The following ESRRG variants were observed in gnomAD, a reference collection of about 807,000 sequenced individuals.
The protein encoded by ESRRG is estrogen-related receptor gamma.
In ESRRG, 13 loss-of-function variants were observed where a neutral mutation model predicts 44.0. The ratio of observed to expected loss-of-function variants is 0.30; its 90% confidence interval spans 0.19 to 0.47. The LOEUF (loss-of-function observed/expected upper bound fraction) is 0.47, where lower values mean the gene tolerates loss of function less well. Among genes scored for constraint, ESRRG ranks in the 20% least tolerant of loss-of-function variants. The pLI is 1.00. For synonymous variants in ESRRG, 215 were observed against 214.6 expected (o/e 1.00, Z -0.02); for missense variants, 395 against 580.6 (o/e 0.68, Z 3.29).
At chr1:216,891,719 G>A (rs886394479) in intron 2 of ESRRG, among the ~76,000 whole-genome samples, 1 of 151,772 alleles carries the variant, frequency 6.6e-6, no homozygotes, top group Non-Finnish European at 1.5e-5. Flanking sequence ...TTTTTAGGGG[G>A]CAGAGGAAAT....
intron 1 of ESRRG, among the ~76,000 whole-genome samples, chr1:216,996,433 CAGA>C (rs2076388411): frequency 6.6e-6 from 1 of 151,026 alleles, no homozygotes; most frequent in African/African-American, 2.4e-5. Context: ...ATAGATAAAT[CAGA>C]GGAGAAAAAA....
chr1:216,858,117 A>G (rs1308085317), intron 2 of ESRRG, among the ~76,000 whole-genome samples: 1 of 152,210 alleles, frequency 6.6e-6, no homozygotes, highest in Non-Finnish European at 1.5e-5. Flanking sequence ...CTCTTTGAAA[A>G]TTAAACCATA....
chr1:216,589,926 A>AAAAAAAAAG (rs2057366760), intron 3 of ESRRG, among the ~76,000 whole-genome samples: 1 of 149,988 alleles, frequency 6.7e-6, no homozygotes, highest in African/African-American at 2.4e-5. Flanking sequence ...AAAAAAAAAA[A>AAAAAAAAAG]GAGGTGAGGT....
At chr1:216,742,549 C>A (rs2090882799) in intron 2 of ESRRG, among the ~76,000 whole-genome samples, 1 of 151,796 alleles carries the variant, frequency 6.6e-6, no homozygotes, top group African/African-American at 2.4e-5. Flanking sequence ...TTTAATGATT[C>A]TTTATCCATT....
chr1:217,051,914 C>T (rs893514338), intron 1 of ESRRG, among the ~76,000 whole-genome samples: 1 of 152,068 alleles, frequency 6.6e-6, no homozygotes, highest in Non-Finnish European at 1.5e-5. Context: ...CAGGCTCACA[C>T]CACCACACCC....
chr1:217,107,944 G>A (rs963671447), intron 1 of ESRRG, among the ~76,000 whole-genome samples: 3 of 151,608 alleles, frequency 2.0e-5, no homozygotes, highest in East Asian at 3.9e-4. Context: ...AAACAGACTA[G>A]CCCATTTGAG....
At chr1:216,580,984 A>G (rs569928935) in intron 3 of ESRRG, among the ~76,000 whole-genome samples, 2 of 152,226 alleles carry the variant, frequency 1.3e-5, no homozygotes, top group Non-Finnish European at 2.9e-5. Context: ...TTATTATTGC[A>G]TTAGGAAAAG....
chr1:216,915,072 A>G lies in ESRRG; in HGVS notation c.-14+24510T>C, dbSNP rs544217397. ...TACACGATTTCCAAATTTCTCCCTCAACTCTCCATCAGTAAACATGGGAGG... is the reference window on the plus strand; with the variant it reads ...TACACGATTTCCAAATTTCTCCCTCGACTCTCCATCAGTAAACATGGGAGG... On this transcript the variant is annotated intron_variant, in intron 2 of 7. Coordinates refer to the ESRRG transcript ENST00000359162. Among the ~76,000 whole-genome samples, 4 of 152,318 alleles carry G rather than the reference A, an allele frequency of 2.6e-5. No homozygotes were observed. The South Asian group carries it at 8.3e-4, about 32-fold the overall frequency.
chr1:216,660,529 C>T (rs1457858605), intron 2 of ESRRG, among the ~76,000 whole-genome samples: 1 of 152,216 alleles, frequency 6.6e-6, no homozygotes, highest in Non-Finnish European at 1.5e-5. Flanking sequence ...AAATATGAGG[C>T]ATGCTGCCTA....
intron 5 of ESRRG, among the ~76,000 whole-genome samples, chr1:216,545,540 T>A (rs1205408363): frequency 3.3e-5 from 5 of 152,248 alleles, no homozygotes; most frequent in Non-Finnish European, 5.9e-5. Context: ...TGTCTTCAAA[T>A]ATACATAGCT....
chr1:216,775,362 C>T (rs936434567), intron 2 of ESRRG, among the ~76,000 whole-genome samples: 6 of 151,810 alleles, frequency 4.0e-5, no homozygotes, highest in South Asian at 4.2e-4. Flanking sequence ...TTGAGCTCTT[C>T]GACCATATAA....
At chr1:216,683,145 G>A (rs2077325599) in intron 1 of ESRRG, among the ~76,000 whole-genome samples, 1 of 152,062 alleles carries the variant, frequency 6.6e-6, no homozygotes, top group Non-Finnish European at 1.5e-5. Flanking sequence ...TTGCATTAAG[G>A]TACACTGGCT....
chr1:216,543,358 T>G (rs926661037), intron 5 of ESRRG, among the ~76,000 whole-genome samples: 1 of 152,050 alleles, frequency 6.6e-6, no homozygotes, highest in Non-Finnish European at 1.5e-5. Flanking sequence ...TATTTTATTC[T>G]TTTGTACAAA....
rs1284490715 is a variant in ESRRG, at chr1:216,519,360, A to C, written c.924T>G (p.Ile308Met). The C allele has an allele frequency of 6.2e-7, 1 of 1,613,768 alleles. No individual in the cohort carries two copies. The highest frequency in any genetic ancestry group is 2.2e-5 in the East Asian group (1 of 44,872). Residue 308 changes from isoleucine (I) to methionine (M), a missense_variant, in exon 6 of 7, where the codon ATT becomes ATG. Physicochemically the swap from Ile to Met is conservative, Grantham distance 10 (BLOSUM62 1). Coordinates refer to ENST00000408911, the MANE Select transcript of ESRRG (RefSeq NM_001438.4). ...MSLLQSAWME[I>M]LILGVVYRSL... ...ACCGGTATACGACACCAAGGATCAA[A>C]ATTTCCATCCAAGCACTCTGCAGAA...
intron 4 of ESRRG, 74 bp from the exon 5 acceptor site, chr1:216,564,454 G>A: frequency 8.1e-7 from 1 of 1,235,456 alleles, no homozygotes; most frequent in South Asian, 2.0e-5. Context: ...AGAGCATTTT[G>A]TGTTTTGAAA....
intron 2 of ESRRG, among the ~76,000 whole-genome samples, chr1:216,776,093 C>G (rs950086154): frequency 6.6e-6 from 1 of 152,034 alleles, no homozygotes; most frequent in Admixed American, 6.6e-5. Flanking sequence ...TATAATAGCT[C>G]CCTGTTACTT....
chr1:216,702,004 T>C (rs1415650817), intron 1 of ESRRG, among the ~76,000 whole-genome samples: 1 of 152,222 alleles, frequency 6.6e-6, no homozygotes, highest in East Asian at 1.9e-4. Context: ...TCACATTTGT[T>C]TTATTTATGT....
intron 1 of ESRRG, among the ~76,000 whole-genome samples, chr1:217,106,264 C>T (rs1021314363): frequency 3.9e-5 from 6 of 151,986 alleles, no homozygotes; most frequent in African/African-American, 1.5e-4. Context: ...AAAAGAGCGG[C>T]ATCTCTGACT....
At chr1:216,590,456 G>C (rs562019933) in intron 3 of ESRRG, among the ~76,000 whole-genome samples, 1 of 152,264 alleles carries the variant, frequency 6.6e-6, no homozygotes, top group African/African-American at 2.4e-5. Context: ...GTTAAGAACA[G>C]ACAAAATAAT....
Sources: gnomAD v4.1 joint callset for allele counts (sites outside exome capture counted in the v4.1 genomes callset) on GRCh38, gnomAD v4.1.1 for gene constraint, MANE v1.5 for transcripts, NCBI Gene and HGNC (gene_info 2026-07-23, HGNC 2026-07-21) for gene names.